PCDHA7: variants seen among roughly 807,000 people sequenced by gnomAD.
The protein encoded by PCDHA7 is protocadherin alpha 7.
A neutral mutation model predicts 57.2 loss-of-function variants in PCDHA7; 37 were observed. The ratio of observed to expected loss-of-function variants is 0.65; its 90% CI spans 0.50 to 0.85. PCDHA7 has a LOEUF of 0.85. Among genes scored for constraint, PCDHA7 ranks in the 40% least tolerant of loss-of-function variants. The pLI, the probability that PCDHA7 is intolerant of heterozygous loss-of-function variation, is 0.00. For synonymous variants in PCDHA7, 553 were observed against 558.8 expected (o/e 0.99, Z 0.15); for missense variants, 1,188 against 1,241.8 (o/e 0.96, Z 0.65).
intron 1 of PCDHA7, chr5:140,882,333 C>T (rs1052199425): frequency 3.8e-5 from 61 of 1,614,102 alleles, no homozygotes; most frequent in Non-Finnish European, 5.0e-5. Flanking sequence ...CTGATCCTCG[C>T]AGCCTGGGAG....
At position 140,939,517 on chromosome 5, in the gene PCDHA7, G is replaced by GACATTGTAGAATTATAGAATTCTACATAA. The variant is rs559604027; in HGVS notation, c.2356-39432_2356-39431insACATTGTAGAATTATAGAATTCTACATAA. 5.4e-3 allele frequency among the ~76,000 whole-genome samples: 825 copies of GACATTGTAGAATTATAGAATTCTACATAA among 152,166 alleles called. 3 individuals carry two copies. Among genetic ancestry groups the GACATTGTAGAATTATAGAATTCTACATAA allele is most frequent in the African/African-American group, 0.019 (794 of 41,518 alleles). On this transcript the variant is annotated intron_variant, in intron 1 of 3. Coordinates refer to ENST00000525929, the MANE Select transcript of PCDHA7 (RefSeq NM_018910.3). Reference sequence around the variant, plus strand: ...AAATTCAATGTCTATAACATTAATAGTTATAGAATTATACAGAGCCTCTAT... The same window carrying GACATTGTAGAATTATAGAATTCTACATAA: ...AAATTCAATGTCTATAACATTAATAGACATTGTAGAATTATAGAATTCTACATAATTATAGAATTATACAGAGCCTCTAT...
chr5:140,834,465 A>G lies in PCDHA7; in HGVS notation c.82A>G (p.Arg28Gly). 1 of 1,614,150 alleles carries G rather than the reference A, an allele frequency of 6.2e-7. No individual in the cohort carries two copies. The highest frequency in any genetic ancestry group is 8.5e-7 in the Non-Finnish European group (1 of 1,180,026). Residue 28 changes from arginine to glycine, a missense_variant, in exon 1 of 4, where the codon AGA becomes GGA. Physicochemically the swap from Arg to Gly is moderately radical, Grantham distance 125 (BLOSUM62 -2). Transcript: ENST00000525929. ...IIILAAWEAG[R>G]GQLHYSVPEE... ...AATTCTAGCAGCTTGGGAGGCAGGG[A>G]GAGGCCAGCTCCACTACTCGGTCCC...
chr5:140,908,730 C>G (rs1367655223), intron 1 of PCDHA7, among the ~76,000 whole-genome samples: 4 of 152,124 alleles, frequency 2.6e-5, no homozygotes, highest in Non-Finnish European at 4.4e-5. Context: ...TCATATGGCT[C>G]GAGAAACAGA....
intron 1 of PCDHA7, chr5:140,843,069 G>A (rs2150351711): frequency 5.6e-6 from 9 of 1,595,200 alleles, no homozygotes; most frequent in Admixed American, 1.7e-5. Flanking sequence ...CTGGTGCCGC[G>A]GTCTGTGGGC....
At position 140,877,459 on chromosome 5, in the gene PCDHA7, G is replaced by A. The variant is rs782125799; in HGVS notation, c.2355+40721G>A. ...CGGTGAGCCCGCGCTGACGTCCACGGCCACGGTGCTGGTGTCGCTGGTGGA... is the reference window on the plus strand; with the variant it reads ...CGGTGAGCCCGCGCTGACGTCCACGACCACGGTGCTGGTGTCGCTGGTGGA... On this transcript the variant is annotated intron_variant, in intron 1 of 3. Coordinates refer to ENST00000525929, the MANE Select transcript of PCDHA7 (RefSeq NM_018910.3). 98 of 1,613,712 alleles carry A rather than the reference G, an allele frequency of 6.1e-5. No individual in the cohort carries two copies. The East Asian group carries it at 2.1e-3, about 35-fold the overall frequency.
intron 1 of PCDHA7, among the ~76,000 whole-genome samples, chr5:140,846,416 C>T (rs1275676707): frequency 1.5e-5 from 2 of 134,880 alleles, no homozygotes; most frequent in African/African-American, 5.4e-5. Context: ...GCTCTATCTC[C>T]CAGGCTGGAA....
chr5:140,927,260 T>G, intron 1 of PCDHA7: 2 of 1,614,070 alleles, frequency 1.2e-6, no homozygotes, highest in Non-Finnish European at 1.7e-6. Flanking sequence ...AACTCACCTC[T>G]CTTTCCTGCC....
chr5:140,875,335 C>T (rs1380813312), intron 1 of PCDHA7: 3 of 1,438,650 alleles, frequency 2.1e-6, no homozygotes, highest in African/African-American at 2.9e-5. Context: ...GGAATAGGAT[C>T]GACTCCATAA....
At chr5:140,977,978 G>A (rs1401757319) in intron 1 of PCDHA7, among the ~76,000 whole-genome samples, 2 of 152,048 alleles carry the variant, frequency 1.3e-5, no homozygotes, top group Non-Finnish European at 2.9e-5. Flanking sequence ...CCATGAAAAC[G>A]CATCTAGAGG....
rs2150353014 is a variant in PCDHA7 at position 140,843,115 on chromosome 5, C to T, written c.2355+6377C>T. 5.0e-6 allele frequency: 8 copies of T among 1,595,710 alleles called. 2 individuals carry two copies. Among genetic ancestry groups the T allele is most frequent in the African/African-American group, 2.7e-5 (2 of 74,438 alleles). On this transcript the variant is annotated intron_variant, in intron 1 of 3. Transcript: ENST00000525929. ...TGGTAGCGAAGGTGCGCGCAGTGGA[C>T]GCCGACTCGGGCTACAACGCGTGGC...
At chr5:140,869,359 G>A in intron 1 of PCDHA7, 1 of 1,614,110 alleles carries the variant, frequency 6.2e-7, no homozygotes, top group Non-Finnish European at 8.5e-7. Context: ...CATTTTGTTT[G>A]TGAATTCTCG....
intron 1 of PCDHA7, among the ~76,000 whole-genome samples, chr5:140,975,492 A>G (rs2153807380): frequency 6.6e-6 from 1 of 152,332 alleles, no homozygotes; most frequent in South Asian, 2.1e-4. Flanking sequence ...ATCAATGTTC[A>G]TAAAATAGCA....
At chr5:140,862,588 G>A in intron 1 of PCDHA7, 1 of 501,458 alleles carries the variant, frequency 2.0e-6, no homozygotes, top group Non-Finnish European at 4.1e-6. Context: ...CCAGCAGCCC[G>A]AGTACATGGT....
intron 1 of PCDHA7, chr5:140,927,923 CTCT>C: frequency 6.2e-7 from 1 of 1,614,232 alleles, no homozygotes; most frequent in East Asian, 2.2e-5. Context: ...GACTTCCTGA[CTCT>C]TTCGAACCCA....
intron 1 of PCDHA7, chr5:140,870,634 G>C: frequency 6.2e-7 from 1 of 1,612,862 alleles, no homozygotes; most frequent in Non-Finnish European, 8.5e-7. Context: ...GTCGGTGCAC[G>C]CGGAGAGCGG....
chr5:140,975,588 A>G (rs2096673583), intron 1 of PCDHA7, among the ~76,000 whole-genome samples: 1 of 152,210 alleles, frequency 6.6e-6, no homozygotes, highest in South Asian at 2.1e-4. Context: ...CATGTCCCAG[A>G]GGGCAATTTG....
intron 1 of PCDHA7, among the ~76,000 whole-genome samples, chr5:140,846,371 TTC>T (rs140960073): frequency 0.32 from 35,391 of 108,896 alleles, 6,884 homozygotes; most frequent in South Asian, 0.47. Context: ...TTTTCTTTCT[TTC>T]TTTTTTTTTT....
At chr5:140,967,475 C>T (rs555659207) in intron 1 of PCDHA7, 1 of 1,613,342 alleles carries the variant, frequency 6.2e-7, no homozygotes, top group South Asian at 1.1e-5. Context: ...CATCCCAGCC[C>T]GCTCGGGTAC....
At chr5:140,982,353 C>G (rs2096979519) in intron 2 of PCDHA7, 122 bp from the exon 3 acceptor site, 1 of 1,509,284 alleles carries the variant, frequency 6.6e-7, no homozygotes, top group East Asian at 2.4e-5. Flanking sequence ...TCAGTTCAAG[C>G]ATGAGCAGAA....
Sources: gnomAD v4.1 joint callset for allele counts (sites outside exome capture counted in the v4.1 genomes callset) on GRCh38, gnomAD v4.1.1 for gene constraint, MANE v1.5 for transcripts, NCBI Gene and HGNC (gene_info 2026-07-23, HGNC 2026-07-21) for gene names.